Variants in EPHA5 observed in about 807,000 individuals in gnomAD.
The protein encoded by EPHA5 is ephrin type-A receptor 5.
Under a neutral mutation model 105.0 loss-of-function variants are expected in EPHA5, and 60 were observed. The ratio of observed to expected loss-of-function variants is 0.57; its 90% CI spans 0.46 to 0.71. The LOEUF is 0.71. EPHA5 is among the 30% of genes least tolerant of loss of function. EPHA5 has a pLI of 0.00. For synonymous variants in EPHA5, 513 were observed against 449.1 expected (o/e 1.14, Z -1.80); for missense variants, 1,218 against 1,274.7 (o/e 0.96, Z 0.68).
chr4:65,434,805 G>T (rs1490200573), intron 5 of EPHA5, among the ~76,000 whole-genome samples: 1 of 152,070 alleles, frequency 6.6e-6, no homozygotes, highest in Non-Finnish European at 1.5e-5. Flanking sequence ...CTACTAAATT[G>T]TTATGTTGAA....
At chr4:65,436,895 C>T (rs575454786) in intron 5 of EPHA5, among the ~76,000 whole-genome samples, 27 of 151,994 alleles carry the variant, frequency 1.8e-4, no homozygotes, top group African/African-American at 6.0e-4. Flanking sequence ...TTTATGCCCT[C>T]TTTAGAAAAT....
Position 65,406,850 on chromosome 4 carries a change from A to G in EPHA5, c.1688-2371T>C, listed in dbSNP as rs181984652. ...AACAAAAACATATATCAGCAAATAAACGTATCATTAATCAAACAAAAAAAT... is the reference window on the plus strand; with the variant it reads ...AACAAAAACATATATCAGCAAATAAGCGTATCATTAATCAAACAAAAAAAT... On this transcript the variant is annotated intron_variant, in intron 7 of 16. Transcript: ENST00000613740. Among the ~76,000 whole-genome samples the G allele has an allele frequency of 2.6e-3, 396 of 152,198 alleles. 2 individuals carry two copies. Among genetic ancestry groups the G allele is most frequent in the African/African-American group, 9.0e-3 (375 of 41,546 alleles).
At chr4:65,386,365 C>A (rs562794757) in intron 8 of EPHA5, among the ~76,000 whole-genome samples, 31 of 151,942 alleles carry the variant, frequency 2.0e-4, no homozygotes, top group Non-Finnish European at 3.4e-4. Context: ...TGTGAACTAC[C>A]AATATCATGT....
intron 3 of EPHA5, among the ~76,000 whole-genome samples, chr4:65,577,786 T>C (rs1161658017): frequency 2.6e-5 from 4 of 151,996 alleles, no homozygotes; most frequent in Non-Finnish European, 5.9e-5. Flanking sequence ...CAAGAAATCA[T>C]GTTAAAGAAA....
intron 12 of EPHA5, among the ~76,000 whole-genome samples, chr4:65,351,805 G>A (rs1722847004): frequency 6.6e-6 from 1 of 151,934 alleles, no homozygotes; most frequent in Non-Finnish European, 1.5e-5. Flanking sequence ...AGCAGATAAA[G>A]GTTTTGAAAA....
intron 5 of EPHA5, among the ~76,000 whole-genome samples, chr4:65,434,707 T>G (rs6831652): frequency 6.6e-6 from 1 of 151,880 alleles, no homozygotes; most frequent in African/African-American, 2.4e-5. Flanking sequence ...CAACTTTTCA[T>G]CAAATGTTTC....
At chr4:65,334,830 G>A (rs9999465) in intron 15 of EPHA5, among the ~76,000 whole-genome samples, 25,770 of 151,540 alleles carry the variant, frequency 0.17, 2,703 homozygotes, top group South Asian at 0.24. Flanking sequence ...CCTTTTGTAC[G>A]TCCATTTGTG....
chr4:65,605,760 C>T (rs1744171290), intron 2 of EPHA5, among the ~76,000 whole-genome samples: 1 of 151,792 alleles, frequency 6.6e-6, no homozygotes, highest in South Asian at 2.1e-4. Context: ...AAGAAAAGTA[C>T]AAGCCCGAAG....
At chr4:65,432,715 G>T (rs1578105560) in intron 5 of EPHA5, among the ~76,000 whole-genome samples, 1 of 151,908 alleles carries the variant, frequency 6.6e-6, no homozygotes, top group African/African-American at 2.4e-5. Flanking sequence ...ATATAGGTGG[G>T]CAGTGCTACA....
chr4:65,598,406 G>A (rs1014332490), intron 3 of EPHA5, among the ~76,000 whole-genome samples: 1 of 152,108 alleles, frequency 6.6e-6, no homozygotes, highest in Non-Finnish European at 1.5e-5. Context: ...GAATAACATA[G>A]TATTCTTTTA....
intron 16 of EPHA5, chr4:65,331,740 A>G (rs879493032): frequency 8.3e-6 from 10 of 1,212,064 alleles, no homozygotes; most frequent in Non-Finnish European, 1.0e-5. Context: ...TGTTATTCCA[A>G]TTATTCAAGT....
intron 3 of EPHA5, chr4:65,574,429 T>G: frequency 9.4e-6 from 4 of 427,192 alleles, no homozygotes; most frequent in Non-Finnish European, 7.4e-6. Context: ...AATACATGTA[T>G]TCATACTCTT....
intron 3 of EPHA5, among the ~76,000 whole-genome samples, chr4:65,509,329 C>T (rs1456432227): frequency 6.6e-6 from 1 of 152,026 alleles, no homozygotes; most frequent in East Asian, 1.9e-4. Context: ...ATTTAGTTAA[C>T]TGTTCGACCT....
chr4:65,573,891 A>C, intron 3 of EPHA5: 4 of 1,612,228 alleles, frequency 2.5e-6, no homozygotes, highest in Non-Finnish European at 3.4e-6. Flanking sequence ...GCGAGCCAGC[A>C]TTACCCCCGG....
chr4:65,518,454 A>G (rs1578314464), intron 3 of EPHA5, among the ~76,000 whole-genome samples: 1 of 151,698 alleles, frequency 6.6e-6, no homozygotes, highest in Non-Finnish European at 1.5e-5. Context: ...CACAGTCTCT[A>G]TATTTCCATA....
rs530058395 is a variant in EPHA5, at chr4:65,556,656, T to C, written c.910+44985A>G. 3.3e-5 allele frequency among the ~76,000 whole-genome samples: 5 copies of C among 152,304 alleles called. No homozygotes were observed. The East Asian group carries it at 9.7e-4, about 29-fold the overall frequency. On this transcript the variant is annotated intron_variant, in intron 3 of 16. Transcript: ENST00000613740. ...AAGTATTTTCTGATTACTATAGTAA[T>C]ATTAATTGTTAATTGTTTTAGTGTT...
intron 3 of EPHA5, chr4:65,573,631 C>T: frequency 6.2e-7 from 1 of 1,600,542 alleles, no homozygotes. Context: ...GGCAGGTATT[C>T]CCGATCTGCC....
At position 65,602,274 on chromosome 4, in the gene EPHA5, A is replaced by G. The variant is rs754851534; in HGVS notation, c.277T>C (p.Tyr93His). The G allele has an allele frequency of 6.2e-7, 1 of 1,604,076 alleles. No homozygotes were observed. The highest frequency in any genetic ancestry group is 2.2e-5 in the East Asian group (1 of 44,716). Residue 93 changes from tyrosine to histidine, a missense_variant, in exon 3 of 17, where the codon TAT becomes CAT. Tyr to His is a moderately conservative substitution (Grantham distance 83). Coordinates refer to ENST00000613740, the MANE Select transcript of EPHA5 (RefSeq NM_001281766.3). The part of the protein sequence containing the change: ...WEEIGEVDEN[Y>H]APIHTYQVCK... ...ACTTGGTATGTGTGGATAGGGGCAT[A>G]ATTTTCATCCACTTCACCAATCTCT...
At chr4:65,502,516 A>G (rs2149243786) in intron 3 of EPHA5, among the ~76,000 whole-genome samples, 1 of 152,008 alleles carries the variant, frequency 6.6e-6, no homozygotes, top group South Asian at 2.1e-4. Context: ...TACATCACCA[A>G]TCGGAGAGAT....
Sources: gnomAD v4.1 joint callset for allele counts (sites outside exome capture counted in the v4.1 genomes callset) on GRCh38, gnomAD v4.1.1 for gene constraint, MANE v1.5 for transcripts, NCBI Gene and HGNC (gene_info 2026-07-23, HGNC 2026-07-21) for gene names.